Variants in NKAIN2 observed in about 807,000 individuals in gnomAD.
NKAIN2 encodes the protein sodium/potassium-transporting ATPase subunit beta-1-interacting protein 2.
A neutral mutation model predicts 32.6 loss-of-function variants in NKAIN2; 14 were observed. The observed-to-expected ratio is 0.43, with a 90% CI of 0.28 to 0.67. NKAIN2 has a LOEUF of 0.67. NKAIN2 is among the 30% of genes least tolerant of loss of function. The pLI, the probability that NKAIN2 is intolerant of heterozygous loss-of-function variation, is 0.17. For synonymous variants in NKAIN2, 80 were observed against 87.2 expected, an observed-to-expected ratio of 0.92 and a Z score of 0.46; for missense variants, 198 against 258.3, an observed-to-expected ratio of 0.77 and a Z score of 1.60.
intron 3 of NKAIN2, among the ~76,000 whole-genome samples, chr6:124,415,907 A>G (rs1442315829): frequency 1.7e-5 from 1 of 58,650 alleles, no homozygotes; most frequent in African/African-American, 5.8e-5. Flanking sequence ...CTAATTTCTC[A>G]TCACAGAATG....
At chr6:124,341,027 C>A (rs1249231175) in intron 2 of NKAIN2, among the ~76,000 whole-genome samples, 1 of 152,046 alleles carries the variant, frequency 6.6e-6, no homozygotes, top group Non-Finnish European at 1.5e-5. Context: ...ACTTAAAAGT[C>A]ATGTTTATAT....
chr6:124,216,352 T>A (rs1195097996), intron 1 of NKAIN2, among the ~76,000 whole-genome samples: 1 of 152,152 alleles, frequency 6.6e-6, no homozygotes, highest in African/African-American at 2.4e-5. Flanking sequence ...ATTTGTAAAT[T>A]TGCCTAAAAT....
chr6:124,695,705 T>A (rs1774464176), intron 4 of NKAIN2, among the ~76,000 whole-genome samples: 1 of 151,958 alleles, frequency 6.6e-6, no homozygotes, highest in Admixed American at 6.6e-5. Context: ...TTACCTTAAG[T>A]GAAAAAGGAA....
chr6:124,259,032 G>C (rs1007352743), intron 1 of NKAIN2, among the ~76,000 whole-genome samples: 2 of 152,118 alleles, frequency 1.3e-5, no homozygotes, highest in African/African-American at 4.8e-5. Context: ...GGTTTCCTGA[G>C]CCCATCTATA....
At chr6:124,321,655 G>T (rs1484430510) in intron 2 of NKAIN2, among the ~76,000 whole-genome samples, 11 of 152,028 alleles carry the variant, frequency 7.2e-5, no homozygotes, top group Admixed American at 7.2e-4. Flanking sequence ...GAAGAGCCAG[G>T]ATATACCATG....
At position 124,528,886 on chromosome 6, in the gene NKAIN2, C is replaced by T. The variant is rs181568828; in HGVS notation, c.274-129300C>T. On this transcript the variant is annotated intron_variant, in intron 3 of 6. Coordinates refer to ENST00000368417, the MANE Select transcript of NKAIN2 (RefSeq NM_001040214.3). ...AAAGGATAAACTAAGATTGCATACT[C>T]TTAGAATTTTACAACTAGAAGGGAC... is the stretch of plus-strand genomic sequence containing the variant. Among the ~76,000 whole-genome samples the T allele has an allele frequency of 2.2e-3, 334 of 152,216 alleles. 2 individuals are homozygous for T. Among genetic ancestry groups the T allele is most frequent in the Non-Finnish European group, 4.0e-3 (271 of 68,008 alleles).
chr6:124,141,277 CT>C (rs1471972555), intron 1 of NKAIN2, among the ~76,000 whole-genome samples: 4 of 152,118 alleles, frequency 2.6e-5, no homozygotes, highest in Non-Finnish European at 4.4e-5. Flanking sequence ...AAAAAAAATA[CT>C]TTTTACTTTA....
intron 1 of NKAIN2, among the ~76,000 whole-genome samples, chr6:124,022,095 C>T (rs1350544323): frequency 6.9e-6 from 1 of 145,828 alleles, no homozygotes; most frequent in Non-Finnish European, 1.5e-5. Flanking sequence ...CATCCTGTGT[C>T]CAAGTGTTCT....
At chr6:124,664,793 CAAAAAAAAAAAAAAAAAAAAAAAAAA>C (rs57032378) in intron 4 of NKAIN2, among the ~76,000 whole-genome samples, 1 of 40,798 alleles carries the variant, frequency 2.5e-5, no homozygotes, top group East Asian at 1.0e-3. Context: ...GACTCCGTCT[CAAAAAAAAAAAAAAAAAAAAAAAAAA>C]AAAAAAAAAA....
chr6:124,331,368 A>C (rs1371061988), intron 2 of NKAIN2, among the ~76,000 whole-genome samples: 10 of 143,242 alleles, frequency 7.0e-5, no homozygotes, highest in African/African-American at 1.3e-4. Flanking sequence ...AAAAAAAAAA[A>C]AAAAAAAAAA....
At chr6:124,253,005 G>A (rs1793755307) in intron 1 of NKAIN2, among the ~76,000 whole-genome samples, 1 of 152,076 alleles carries the variant, frequency 6.6e-6, no homozygotes, top group Non-Finnish European at 1.5e-5. Context: ...TTACTTCTCA[G>A]AATCCATAAG....
chr6:124,121,732 A>C (rs1431423300), intron 1 of NKAIN2: 1 of 200,964 alleles, frequency 5.0e-6, no homozygotes, highest in Non-Finnish European at 1.1e-5. Context: ...TGGGAAGCAA[A>C]TTAATATTTT....
intron 1 of NKAIN2, among the ~76,000 whole-genome samples, chr6:124,109,491 CTTTAGTG>C (rs1785270356): frequency 5.3e-5 from 8 of 151,958 alleles, no homozygotes; most frequent in Admixed American, 5.2e-4. Flanking sequence ...TGTCTATAGA[CTTTAGTG>C]TTGTCTATGT....
chr6:124,531,219 C>T (rs1324174686), intron 3 of NKAIN2, among the ~76,000 whole-genome samples: 2 of 152,182 alleles, frequency 1.3e-5, no homozygotes, highest in Non-Finnish European at 2.9e-5. Flanking sequence ...ATGTTTGTTG[C>T]TTAAGCCACC....
intron 3 of NKAIN2, among the ~76,000 whole-genome samples, chr6:124,448,010 A>T (rs1329109914): frequency 2.0e-5 from 3 of 152,108 alleles, no homozygotes; most frequent in Non-Finnish European, 4.4e-5. Context: ...TCTCTAGAGC[A>T]TGGATGTATT....
intron 3 of NKAIN2, among the ~76,000 whole-genome samples, chr6:124,625,345 C>A (rs1055235364): frequency 6.6e-6 from 1 of 152,080 alleles, no homozygotes; most frequent in Non-Finnish European, 1.5e-5. Flanking sequence ...AATAAAGTGT[C>A]TCTCACTGCC....
intron 3 of NKAIN2, among the ~76,000 whole-genome samples, chr6:124,491,662 A>G (rs780532348): frequency 9.2e-5 from 14 of 151,912 alleles, no homozygotes; most frequent in Non-Finnish European, 8.8e-5. Flanking sequence ...TGTCTAGATT[A>G]TAGCTATCTT....
chr6:124,761,343 C>T (rs1778255468), intron 4 of NKAIN2, among the ~76,000 whole-genome samples: 1 of 152,122 alleles, frequency 6.6e-6, no homozygotes, highest in Admixed American at 6.6e-5. Context: ...CTTGATAACC[C>T]CATTTATACT....
chr6:124,502,999 G>C (rs1188510928), intron 3 of NKAIN2, among the ~76,000 whole-genome samples: 1 of 152,026 alleles, frequency 6.6e-6, no homozygotes, highest in African/African-American at 2.4e-5. Flanking sequence ...AAATCACATG[G>C]CATCATTTAA....
Sources: gnomAD v4.1 joint callset for allele counts (sites outside exome capture counted in the v4.1 genomes callset) on GRCh38, gnomAD v4.1.1 for gene constraint, MANE v1.5 for transcripts, NCBI Gene and HGNC (gene_info 2026-07-23, HGNC 2026-07-21) for gene names.